The following SEC31B variants were observed in gnomAD, a reference collection of about 807,000 sequenced individuals.
SEC31B encodes the protein protein transport protein Sec31B.
In SEC31B, 113 loss-of-function variants were observed where a neutral mutation model predicts 135.0. The ratio of observed to expected loss-of-function variants is 0.84; its 90% CI spans 0.72 to 0.98. SEC31B has a LOEUF of 0.98. Among genes scored for constraint, SEC31B ranks in the 50% least tolerant of loss-of-function variants. SEC31B has a pLI of 0.00. For missense variants in SEC31B, 1,296 were observed against 1,421.1 expected (o/e 0.91, Z 1.42); for synonymous variants, 508 against 549.4 (o/e 0.92, Z 1.05).
Position 100,489,715 on chromosome 10 carries a change from G to A in SEC31B, c.3012C>T (p.Leu1004=). The stretch of plus-strand genomic sequence containing the variant: ...AAGATGCATTGACCTTGTTCCTCTG[G>A]AGGTTTCCCCTGGGGGCTGGGGCTT... The part of the protein sequence containing the change: ...WKEAPAPRGN[L]QRNKLPETFM... The change falls in exon 22 of 26, where the codon CTC becomes CTT. Residue 1004 remains leucine, a synonymous_variant. Transcript: ENST00000370345. 1 of 1,614,124 alleles carries A rather than the reference G, an allele frequency of 6.2e-7. No individual in the cohort carries two copies. Among genetic ancestry groups the A allele is most frequent in the East Asian group, 2.2e-5 (1 of 44,866 alleles).
At chr10:100,497,920 G>A in intron 15 of SEC31B, 109 bp downstream of exon 15, 1 of 1,577,886 alleles carries the variant, frequency 6.3e-7, no homozygotes, top group East Asian at 2.2e-5. Flanking sequence ...GGTTAGAGTA[G>A]AAAGAGAGAG....
chr10:100,505,497 T>TG lies in SEC31B; in HGVS notation c.1045-3dup, dbSNP rs1851612938. The TG allele has an allele frequency of 6.6e-7, 1 of 1,523,806 alleles. No individual in the cohort carries two copies. Among genetic ancestry groups the TG allele is most frequent in the Non-Finnish European group, 8.8e-7 (1 of 1,141,684 alleles). The allele number at this position is 1,523,806 out of a possible 1,614,324, so 94.4% of individuals were successfully genotyped here. A position where few individuals can be genotyped will look rare whatever the true frequency, so the allele number is the denominator to read the frequency against. On this transcript the variant is annotated splice_polypyrimidine_tract_variant and splice_region_variant and intron_variant, in intron 9 of 25. Coordinates refer to ENST00000370345, the MANE Select transcript of SEC31B (RefSeq NM_015490.4). ...GCCTTTGCTGAAGGAAGAGGAGATC[T>TG]GGGGGGAAAAGACACCTGCATCGCC...
intron 10 of SEC31B, among the ~76,000 whole-genome samples, chr10:100,504,825 C>T (rs1851594224): frequency 6.6e-6 from 1 of 151,520 alleles, no homozygotes; most frequent in African/African-American, 2.4e-5. Context: ...GGTTAGGGTA[C>T]AAGCAGAGAC....
At position 100,498,717 on chromosome 10, in the gene SEC31B, G is replaced by T. The variant is rs753547182; in HGVS notation, c.1672C>A (p.Pro558Thr). The change falls in exon 14 of 26, where the codon CCC (proline) becomes ACC (threonine). Residue 558 changes from proline (P) to threonine (T), a missense_variant. Coordinates refer to ENST00000370345, the MANE Select transcript of SEC31B (RefSeq NM_015490.4). ...AGGGTCAGGGTACCTTTTGTGATGG[G>T]GATCTCCCAAGGAGTCATGTTCTGA... Reference protein sequence around the residue: ...VPQNMTPWEIPITKDIDGLLS... With the variant: ...VPQNMTPWEITITKDIDGLLS... 3.7e-6 allele frequency: 6 copies of T among 1,612,272 alleles called. No individual in the cohort carries two copies. The highest frequency in any genetic ancestry group is 1.1e-5 in the South Asian group (1 of 91,030).
intron 3 of SEC31B, among the ~76,000 whole-genome samples, chr10:100,514,947 C>G (rs901255747): frequency 6.8e-6 from 1 of 146,938 alleles, no homozygotes; most frequent in Admixed American, 6.8e-5. Context: ...CCCCACTGCA[C>G]TCCAGACTGG....
chr10:100,490,310 G>A lies in SEC31B; in HGVS notation c.2663C>T (p.Pro888Leu). ...SPGVRPASSQ[P>L]QLLGGQRVQV... ...CACCCTTTGCCCTCCTAATAGCTGT[G>A]GCTGAGATGAAGCTGAAGCAGAACA... The change falls in exon 21 of 26, where the codon CCA (proline) becomes CTA (leucine). Residue 888 changes from proline (P) to leucine (L), a missense_variant. Pro to Leu is a moderately conservative substitution (Grantham distance 98, BLOSUM62 -3). Transcript: ENST00000370345. 1 of 1,613,030 alleles carries A rather than the reference G, an allele frequency of 6.2e-7. No individual in the cohort carries two copies. The highest frequency in any genetic ancestry group is 8.5e-7 in the Non-Finnish European group (1 of 1,179,508).
chr10:100,509,386 T>C lies in SEC31B; in HGVS notation c.329A>G (p.Lys110Arg), dbSNP rs756585446. The change falls in exon 4 of 26, where the codon AAG (lysine) becomes AGG (arginine). Residue 110 changes from lysine (K) to arginine (R), a missense_variant. By Grantham distance (26) the Lys-to-Arg change is conservative (BLOSUM62 2). Coordinates refer to ENST00000370345, the MANE Select transcript of SEC31B (RefSeq NM_015490.4). ...CTGTTTCTGAGCAATCACAGGCTCC[T>C]TCCCCGAAGACAGGATGTGGGTCAC... ...YNVTHILSSG[K>R]EPVIAQKQKH... The C allele has an allele frequency of 6.2e-7, 1 of 1,614,166 alleles. No homozygotes were observed. The highest frequency in any genetic ancestry group is 8.5e-7 in the Non-Finnish European group (1 of 1,180,016).
chr10:100,515,986 AG>A, intron 3 of SEC31B, 109 bp downstream of exon 3: 2 of 1,347,550 alleles, frequency 1.5e-6, no homozygotes, highest in Non-Finnish European at 2.0e-6. Context: ...AACTTGGCAA[AG>A]CTCCTTCTTC....
Position 100,498,069 on chromosome 10 carries a change from T to A in SEC31B, c.1823A>T (p.Gln608Leu), listed in dbSNP as rs768817483. Reference sequence around the variant, plus strand: ...TTTCTTCTTGGCCAAGTAGCGCTCCTGTGTTTGCTTCAGCAGATCTGTACC... The same window carrying A: ...TTTCTTCTTGGCCAAGTAGCGCTCCAGTGTTTGCTTCAGCAGATCTGTACC... ...AGGTDLLKQT[Q>L]ERYLAKKKTK... is the part of the protein sequence containing the mutation. Residue 608 changes from glutamine (Q) to leucine (L), a missense_variant, in exon 15 of 26, where the codon CAG becomes CTG. By Grantham distance (113) the Gln-to-Leu change is moderately radical (BLOSUM62 -2). Transcript: ENST00000370345. 3.1e-6 allele frequency: 5 copies of A among 1,614,208 alleles called. No homozygotes were observed. The highest frequency in any genetic ancestry group is 4.2e-6 in the Non-Finnish European group (5 of 1,180,030).
chr10:100,498,682 C>T (rs9420792), intron 14 of SEC31B, 23 bp downstream of exon 14: 339,973 of 1,560,172 alleles, frequency 0.22, 37,837 homozygotes, highest in African/African-American at 0.25. Flanking sequence ...AGAGACTCTC[C>T]CTCTCCCTCA....
At chr10:100,505,309 C>G in intron 10 of SEC31B, 52 bp downstream of exon 10, 1 of 1,588,596 alleles carries the variant, frequency 6.3e-7, no homozygotes, top group Non-Finnish European at 8.6e-7. Flanking sequence ...AACACACACA[C>G]ACACACACAC....
chr10:100,511,039 C>A (rs1162915073), intron 3 of SEC31B, among the ~76,000 whole-genome samples: 8 of 152,118 alleles, frequency 5.3e-5, no homozygotes, highest in Non-Finnish European at 7.4e-5. Context: ...GGTGCAGCGA[C>A]CTCAGCATGG....
chr10:100,503,593 C>A (rs887782236), intron 10 of SEC31B, among the ~76,000 whole-genome samples: 7 of 151,980 alleles, frequency 4.6e-5, no homozygotes, highest in African/African-American at 1.5e-4. Context: ...ACCACCACGC[C>A]CGGCTAATTT....
chr10:100,516,778 A>C, intron 2 of SEC31B, 96 bp downstream of exon 2: 2 of 950,138 alleles, frequency 2.1e-6, no homozygotes, highest in Non-Finnish European at 3.3e-6. Context: ...CTATGATCTG[A>C]GAGCTTTCTC....
intron 1 of SEC31B, 43 bp from the exon 2 acceptor site, chr10:100,517,040 G>T: frequency 1.0e-6 from 1 of 953,398 alleles, no homozygotes; most frequent in Non-Finnish European, 1.7e-6. Flanking sequence ...GATCCAGGGA[G>T]CATCTGCGGA....
In SEC31B at chr10:100,506,348, G is replaced by T. The variant is rs780762485; in HGVS notation, c.855C>A (p.Ile285=). The T allele has an allele frequency of 2.5e-6, 4 of 1,614,018 alleles. No individual in the cohort carries two copies. Among genetic ancestry groups the T allele is most frequent in the African/African-American group, 1.3e-5 (1 of 74,902 alleles). The change falls in exon 8 of 26, where the codon ATC becomes ATA. Residue 285 remains isoleucine, a synonymous_variant. Coordinates refer to ENST00000370345, the MANE Select transcript of SEC31B (RefSeq NM_015490.4). ...LLLTSAKDSQ[I]LCRNLGSSEV... Reference sequence around the variant, plus strand: ...CACTGCTCCCCAGGTTCCGGCACAAGATCTGGCTGTCCTTAGCACTAGTGA... The same window carrying T: ...CACTGCTCCCCAGGTTCCGGCACAATATCTGGCTGTCCTTAGCACTAGTGA...
intron 7 of SEC31B, 68 bp downstream of exon 7, chr10:100,507,357 T>C (rs1339201486): frequency 8.2e-6 from 13 of 1,593,098 alleles, no homozygotes; most frequent in African/African-American, 5.4e-5. Context: ...GAGGGATACA[T>C]TGCCTCCTAC....
intron 14 of SEC31B, 40 bp downstream of exon 14, chr10:100,498,665 C>A (rs1050101410): frequency 2.7e-6 from 4 of 1,500,486 alleles, no homozygotes; most frequent in Middle Eastern, 2.0e-4. Context: ...CCCACCTAGT[C>A]CTAAGCAGAG....
Position 100,492,327 on chromosome 10 carries a change from C to T in SEC31B, c.2473-1444G>A, listed in dbSNP as rs539001432. The stretch of plus-strand genomic sequence containing the variant: ...GCAACCTCCACCTCCCGGGTTCAAG[C>T]GACTCTCCAGCCTTGCCTCCTGAGT... On this transcript the variant is annotated intron_variant, in intron 19 of 25. Coordinates refer to ENST00000370345, the MANE Select transcript of SEC31B (RefSeq NM_015490.4). Among the ~76,000 whole-genome samples, 7 of 152,298 alleles carry T rather than the reference C, an allele frequency of 4.6e-5. No individual in the cohort carries two copies. In the South Asian group the frequency reaches 1.0e-3, roughly 23 times the overall value.
Sources: allele counts gnomAD v4.1 joint callset (sites outside exome capture counted in the v4.1 genomes callset), GRCh38; gene constraint gnomAD v4.1.1; transcripts MANE v1.5; gene names NCBI Gene and HGNC (gene_info 2026-07-23, HGNC 2026-07-21).